The following NSMAF variants were observed in gnomAD, a reference collection of about 807,000 sequenced individuals.
NSMAF encodes protein FAN.
Under a neutral mutation model 134.9 loss-of-function variants are expected in NSMAF, and 90 were observed. The ratio of observed to expected loss-of-function variants is 0.67; its 90% CI spans 0.56 to 0.79. The LOEUF is 0.79. NSMAF is among the 30% of genes least tolerant of loss of function. NSMAF has a pLI of 0.00. For synonymous variants in NSMAF, 358 were observed against 389.6 expected (o/e 0.92, Z 0.96); for missense variants, 1,010 against 1,119.0 (o/e 0.90, Z 1.39).
intron 9 of NSMAF, among the ~76,000 whole-genome samples, chr8:58,618,035 A>G (rs1336361457): frequency 6.6e-6 from 1 of 152,156 alleles, no homozygotes; most frequent in East Asian, 1.9e-4. Flanking sequence ...GCTGGAAACC[A>G]TCATTCTCAG....
chr8:58,602,127 A>G lies in NSMAF; in HGVS notation c.1056T>C (p.Asn352=). The G allele has an allele frequency of 6.2e-7, 1 of 1,612,890 alleles. No homozygotes were observed. Among genetic ancestry groups the G allele is most frequent in the Non-Finnish European group, 8.5e-7 (1 of 1,179,038 alleles). ...TACTGAGATCCCGGAAGGTTCCTGGATTTGACAAATCTATAAACATAAATC... is the reference window on the plus strand; with the variant it reads ...TACTGAGATCCCGGAAGGTTCCTGGGTTTGACAAATCTATAAACATAAATC... ...DYSSSELDLS[N]PGTFRDLSKP... is the part of the protein sequence containing the mutation. Residue 352 remains asparagine (N), a synonymous_variant, in exon 14 of 31, where the codon AAT becomes AAC. Transcript: ENST00000038176.
intron 7 of NSMAF, 72 bp from the exon 8 acceptor site, chr8:58,623,496 G>A (rs1358479468): frequency 1.4e-6 from 2 of 1,433,166 alleles, no homozygotes; most frequent in Non-Finnish European, 9.8e-7. Context: ...TAGAAGCAAT[G>A]AGAAACAGCA....
Position 58,586,480 on chromosome 8 carries a change from T to C in NSMAF, c.2424A>G (p.Val808=), listed in dbSNP as rs755554184. 1 of 1,613,982 alleles carries C rather than the reference T, an allele frequency of 6.2e-7. No homozygotes were observed. The highest frequency in any genetic ancestry group is 1.7e-5 in the Admixed American group (1 of 60,012). The change falls in exon 28 of 31, where the codon GTA becomes GTG. Residue 808 remains valine, a synonymous_variant. Transcript: ENST00000038176. ...TACCTGGGCTAAAAGCAGTGTCACA[T>C]ACAATCCCTGAATGGCATGGAATCT... The part of the protein sequence containing the change: ...MHQIPCHSGI[V]CDTAFSPDSR...
rs142844478 is a variant in NSMAF, at chr8:58,590,008, C to T, written c.2086G>A (p.Val696Ile). The change falls in exon 25 of 31, where the codon GTC (valine) becomes ATC (isoleucine). Residue 696 changes from valine to isoleucine, a missense_variant and splice_region_variant. Coordinates refer to ENST00000038176, the MANE Select transcript of NSMAF (RefSeq NM_003580.4). ...AGAGCAGGGTGCACAGATACATACA[C>T]ATTATTATCCCATGAAGAAGTTATG... The part of the protein sequence containing the change: ...TVITSSWDNN[V>I]YFYSIAFGRR... 1.9e-5 allele frequency: 30 copies of T among 1,612,972 alleles called. No homozygotes were observed. Among genetic ancestry groups the T allele is most frequent in the Middle Eastern group, 1.6e-4 (1 of 6,084 alleles).
chr8:58,653,971 T>C (rs1386975429), intron 1 of NSMAF, among the ~76,000 whole-genome samples: 1 of 152,180 alleles, frequency 6.6e-6, no homozygotes, highest in African/African-American at 2.4e-5. Flanking sequence ...GTAAAGTCAA[T>C]ATAGAGTCTA....
chr8:58,597,141 G>T lies in NSMAF; in HGVS notation c.1792+246C>A, dbSNP rs192653148. Among the ~76,000 whole-genome samples, 159 of 152,126 alleles carry T rather than the reference G, an allele frequency of 1.0e-3. 1 individual carries two copies. The East Asian group carries it at 0.025, about 24-fold the overall frequency. On this transcript the variant is annotated intron_variant, in intron 21 of 30. Transcript: ENST00000038176. Reference sequence around the variant, plus strand: ...AGAGAACCACATCAAAACATATATGGCCAACTTTCACTCATATTCAATTGC... The same window carrying T: ...AGAGAACCACATCAAAACATATATGTCCAACTTTCACTCATATTCAATTGC...
chr8:58,611,161 C>T (rs1806521398), intron 9 of NSMAF, among the ~76,000 whole-genome samples: 1 of 152,100 alleles, frequency 6.6e-6, no homozygotes, highest in Non-Finnish European at 1.5e-5. Flanking sequence ...GACTCATGCT[C>T]AAGAGAGAAA....
Position 58,599,987 on chromosome 8 carries a change from C to T in NSMAF, c.1315G>A (p.Ala439Thr). 6.2e-7 allele frequency: 1 copy of T among 1,613,988 alleles called. No homozygotes were observed. The highest frequency in any genetic ancestry group is 8.5e-7 in the Non-Finnish European group (1 of 1,179,926). The change falls in exon 17 of 31, where the codon GCA becomes ACA. Residue 439 changes from alanine to threonine, a missense_variant. Coordinates refer to ENST00000038176, the MANE Select transcript of NSMAF (RefSeq NM_003580.4). Reference protein sequence around the residue: ...AETWKNCLDGATDFKELIPEF... With the variant: ...AETWKNCLDGTTDFKELIPEF... ...CTGCTTACCTCTTTAAAATCCGTTG[C>T]ACCATCCAGACAGTTTTTCCAAGTT...
intron 30 of NSMAF, 49 bp downstream of exon 30, chr8:58,585,603 G>T: frequency 7.4e-7 from 1 of 1,347,250 alleles, no homozygotes; most frequent in East Asian, 2.3e-5. Context: ...GCAGGCTTGA[G>T]TTCATTATCT....
At chr8:58,585,804 G>A in intron 29 of NSMAF, 43 bp from the exon 30 acceptor site, 3 of 1,574,984 alleles carry the variant, frequency 1.9e-6, no homozygotes, top group Non-Finnish European at 2.6e-6. Flanking sequence ...CATCATGAAG[G>A]AAGGATATGT....
At chr8:58,610,209 A>G (rs1806496759) in intron 9 of NSMAF, among the ~76,000 whole-genome samples, 2 of 152,178 alleles carry the variant, frequency 1.3e-5, no homozygotes, top group Admixed American at 1.3e-4. Flanking sequence ...TCCTTTGTAT[A>G]TTTTTGAGTA....
chr8:58,625,461 T>C (rs971407283), intron 6 of NSMAF, among the ~76,000 whole-genome samples: 2 of 152,184 alleles, frequency 1.3e-5, no homozygotes, highest in African/African-American at 4.8e-5. Flanking sequence ...ATTGGTTCTG[T>C]TTCTCTGGAG....
intron 9 of NSMAF, among the ~76,000 whole-genome samples, chr8:58,619,389 G>A (rs550493722): frequency 5.1e-4 from 78 of 152,218 alleles, no homozygotes; most frequent in African/African-American, 1.8e-3. Context: ...TCTAGCAAAA[G>A]CGTAGCACAT....
chr8:58,590,483 T>C (rs757105448), intron 24 of NSMAF, among the ~76,000 whole-genome samples: 6 of 152,198 alleles, frequency 3.9e-5, no homozygotes, highest in Admixed American at 6.5e-5. Context: ...TTTTGCATGA[T>C]TTACATTAAA....
chr8:58,623,659 A>G (rs1367152247), intron 7 of NSMAF, 50 bp downstream of exon 7: 4 of 1,489,556 alleles, frequency 2.7e-6, no homozygotes, highest in African/African-American at 2.8e-5. Flanking sequence ...ATTTATAAAA[A>G]CAGTTTTTGC....
chr8:58,601,403 G>T, intron 15 of NSMAF, 42 bp downstream of exon 15: 1 of 1,610,650 alleles, frequency 6.2e-7, no homozygotes, highest in South Asian at 1.1e-5. Flanking sequence ...GAAGAATACA[G>T]TGAAATAAAA....
chr8:58,600,257 C>T, intron 16 of NSMAF: 1 of 549,798 alleles, frequency 1.8e-6, no homozygotes, highest in South Asian at 2.3e-5. Context: ...GAGTCCGAGT[C>T]CACACCATTA....
intron 2 of NSMAF, among the ~76,000 whole-genome samples, chr8:58,640,331 TTA>T: frequency 6.6e-6 from 1 of 152,326 alleles, no homozygotes; most frequent in Admixed American, 6.5e-5. Flanking sequence ...TATTCATCAA[TTA>T]TATCTCAATA....
In NSMAF at chr8:58,583,898, AAC is replaced by A; in HGVS notation, c.*206_*207del. 1.8e-6 allele frequency: 1 copy of A among 563,010 alleles called. No homozygotes were observed. The highest frequency in any genetic ancestry group is 3.2e-6 in the Non-Finnish European group (1 of 315,122). 34.9% of individuals were successfully genotyped at this position (563,010 alleles called of 1,614,324 possible). A position where few individuals can be genotyped will look rare whatever the true frequency, so the allele number is the denominator to read the frequency against. ...CCTTACAGTGTAACATGTTTTTCCT[AAC>A]ACAGCCGCATTTTATCTGCCCTAAG... On this transcript the variant is annotated 3_prime_UTR_variant, in exon 31 of 31. Transcript: ENST00000038176.
Sources: allele counts gnomAD v4.1 joint callset (sites outside exome capture counted in the v4.1 genomes callset), GRCh38; gene constraint gnomAD v4.1.1; transcripts MANE v1.5; gene names NCBI Gene and HGNC (gene_info 2026-07-23, HGNC 2026-07-21).